Variants in CNTNAP5 observed in about 807,000 individuals in gnomAD.
The protein encoded by CNTNAP5 is contactin-associated protein-like 5.
Under a neutral mutation model 150.2 loss-of-function variants are expected in CNTNAP5, and 72 were observed. That is an observed-to-expected ratio of 0.48 (90% CI 0.40 to 0.58). CNTNAP5 has a LOEUF of 0.58. CNTNAP5 is among the 20% of genes least tolerant of loss of function. The pLI is 0.00. For missense variants in CNTNAP5, 1,636 were observed against 1,626.2 expected, an observed-to-expected ratio of 1.01 and a Z score of -0.10; for synonymous variants, 672 against 619.8, an observed-to-expected ratio of 1.08 and a Z score of -1.25.
At chr2:124,319,797 G>A (rs1005517461) in intron 3 of CNTNAP5, among the ~76,000 whole-genome samples, 1 of 152,122 alleles carries the variant, frequency 6.6e-6, no homozygotes, top group Non-Finnish European at 1.5e-5. Context: ...AGAAAGGAAG[G>A]GGGTTGGGAA....
At chr2:124,786,389 AAGAAAGAAAGAAG>A (rs1573616245) in intron 17 of CNTNAP5, among the ~76,000 whole-genome samples, 2 of 92,344 alleles carry the variant, frequency 2.2e-5, no homozygotes, top group Non-Finnish European at 4.3e-5. Context: ...GAAAGAAAGA[AAGAAAGAAAGAAG>A]GAAGGAAGGA....
At chr2:124,848,453 A>G (rs1173005084) in intron 19 of CNTNAP5, among the ~76,000 whole-genome samples, 2 of 152,166 alleles carry the variant, frequency 1.3e-5, no homozygotes, top group African/African-American at 4.8e-5. Context: ...TACTCTGAAT[A>G]ATGTTGAAAT....
intron 3 of CNTNAP5, among the ~76,000 whole-genome samples, chr2:124,385,915 C>T (rs1346758679): frequency 6.6e-6 from 1 of 152,030 alleles, no homozygotes; most frequent in Non-Finnish European, 1.5e-5. Flanking sequence ...TGTTTGTTTT[C>T]GGCCGTTTGG....
At chr2:124,888,536 A>T (rs1329374028) in intron 21 of CNTNAP5, among the ~76,000 whole-genome samples, 1 of 152,182 alleles carries the variant, frequency 6.6e-6, no homozygotes, top group Non-Finnish European at 1.5e-5. Flanking sequence ...TACTTTCCAC[A>T]GTGGCTGAAC....
At chr2:124,607,914 G>A (rs1425518423) in intron 11 of CNTNAP5, among the ~76,000 whole-genome samples, 1 of 152,186 alleles carries the variant, frequency 6.6e-6, no homozygotes, top group Non-Finnish European at 1.5e-5. Flanking sequence ...TGCTCACAAT[G>A]TGGGGCACAG....
chr2:124,040,363 G>A (rs1318666439), intron 1 of CNTNAP5, among the ~76,000 whole-genome samples: 1 of 152,002 alleles, frequency 6.6e-6, no homozygotes, highest in Admixed American at 6.6e-5. Flanking sequence ...AGTTTATTTA[G>A]GGCAAGATAC....
At chr2:124,079,383 C>T (rs1183258203) in intron 1 of CNTNAP5, among the ~76,000 whole-genome samples, 1 of 152,174 alleles carries the variant, frequency 6.6e-6, no homozygotes, top group African/African-American at 2.4e-5. Context: ...CTGCTCTGGG[C>T]CACAGCTGTT....
At chr2:124,686,549 C>G (rs1167248682) in intron 13 of CNTNAP5, among the ~76,000 whole-genome samples, 2 of 152,066 alleles carry the variant, frequency 1.3e-5, no homozygotes, top group African/African-American at 4.8e-5. Flanking sequence ...CCAGATGAGC[C>G]CAGCCTTGTC....
chr2:124,789,648 A>G (rs1681674231), intron 17 of CNTNAP5, among the ~76,000 whole-genome samples: 1 of 152,094 alleles, frequency 6.6e-6, no homozygotes, highest in Non-Finnish European at 1.5e-5. Context: ...AAATGAGAAT[A>G]TGGGGTATTT....
intron 17 of CNTNAP5, among the ~76,000 whole-genome samples, chr2:124,781,391 T>C (rs1395007473): frequency 6.6e-6 from 1 of 152,172 alleles, no homozygotes; most frequent in East Asian, 1.9e-4. Flanking sequence ...TCTTACGTTG[T>C]GTAAGTGTTT....
At chr2:124,391,191 C>T (rs1308907668) in intron 3 of CNTNAP5, among the ~76,000 whole-genome samples, 6 of 152,202 alleles carry the variant, frequency 3.9e-5, no homozygotes, top group African/African-American at 1.2e-4. Flanking sequence ...ATATATTTCT[C>T]GTGTCCATTT....
intron 3 of CNTNAP5, among the ~76,000 whole-genome samples, chr2:124,371,961 A>C (rs930533478): frequency 6.6e-6 from 1 of 151,992 alleles, no homozygotes; most frequent in African/African-American, 2.4e-5. Flanking sequence ...GTGAAGCATT[A>C]TATCTGGTGT....
intron 3 of CNTNAP5, among the ~76,000 whole-genome samples, chr2:124,288,462 G>A (rs889560803): frequency 2.0e-5 from 3 of 152,168 alleles, no homozygotes; most frequent in Non-Finnish European, 4.4e-5. Flanking sequence ...CTCACAAGGA[G>A]ATGTGACCCT....
intron 1 of CNTNAP5, among the ~76,000 whole-genome samples, chr2:124,049,654 A>T (rs1681638200): frequency 1.3e-5 from 2 of 152,214 alleles, no homozygotes; most frequent in South Asian, 4.1e-4. Flanking sequence ...CTGTAACATG[A>T]AGGTAATGAT....
intron 1 of CNTNAP5, among the ~76,000 whole-genome samples, chr2:124,148,439 G>T (rs927540815): frequency 1.3e-5 from 2 of 148,766 alleles, no homozygotes; most frequent in Middle Eastern, 3.3e-3. Context: ...GTTTCCTGCC[G>T]TATCGTCATG....
At position 124,798,247 on chromosome 2, in the gene CNTNAP5, C is replaced by T. The variant is rs369865347; in HGVS notation, c.3144C>T (p.Thr1048=). 3.1e-6 allele frequency: 5 copies of T among 1,613,912 alleles called. No homozygotes were observed. Among genetic ancestry groups the T allele is most frequent in the Non-Finnish European group, 4.2e-6 (5 of 1,179,824 alleles). ...KENIALSFVT[T]QAPSLLLFIN... is the part of the protein sequence containing the mutation. Reference sequence around the variant, plus strand: ...ACATTGCACTTAGCTTTGTGACAACCCAGGCACCCAGTCTTTTGCTCTTTA... The same window carrying T: ...ACATTGCACTTAGCTTTGTGACAACTCAGGCACCCAGTCTTTTGCTCTTTA... Residue 1048 remains threonine (T), a synonymous_variant, in exon 19 of 24, where the codon ACC becomes ACT. Coordinates refer to ENST00000682447, the MANE Select transcript of CNTNAP5 (RefSeq NM_001367498.1).
chr2:124,677,556 A>C (rs1678971339), intron 13 of CNTNAP5, among the ~76,000 whole-genome samples: 1 of 152,272 alleles, frequency 6.6e-6, no homozygotes, highest in East Asian at 1.9e-4. Context: ...TGTGTTTACA[A>C]ACCTTTAGCT....
chr2:124,906,830 A>G (rs761593255), intron 22 of CNTNAP5, among the ~76,000 whole-genome samples: 1 of 152,140 alleles, frequency 6.6e-6, no homozygotes, highest in Non-Finnish European at 1.5e-5. Flanking sequence ...TTATTCTTCA[A>G]ATATGATTTT....
chr2:124,162,811 G>A (rs1174000467), intron 1 of CNTNAP5, among the ~76,000 whole-genome samples: 2 of 151,872 alleles, frequency 1.3e-5, no homozygotes, highest in African/African-American at 2.4e-5. Flanking sequence ...ATAATGGCAA[G>A]CACATCATAG....
Sources: gnomAD v4.1 joint callset for allele counts (sites outside exome capture counted in the v4.1 genomes callset) on GRCh38, gnomAD v4.1.1 for gene constraint, MANE v1.5 for transcripts, NCBI Gene and HGNC (gene_info 2026-07-23, HGNC 2026-07-21) for gene names.